SLC25A21: variants seen among roughly 807,000 people sequenced by gnomAD.
SLC25A21 encodes mitochondrial 2-oxodicarboxylate carrier.
Under a neutral mutation model 43.8 loss-of-function variants are expected in SLC25A21, and 47 were observed. The observed-to-expected ratio is 1.07, with a 90% confidence interval of 0.85 to 1.37. The LOEUF (loss-of-function observed/expected upper bound fraction) is 1.37, where lower values mean the gene tolerates loss of function less well. SLC25A21 is among the 40% of genes most tolerant of loss of function. SLC25A21 has a pLI of 0.00. For missense variants in SLC25A21, 352 were observed against 350.2 expected (o/e 1.00, Z -0.04); for synonymous variants, 131 against 121.3 (o/e 1.08, Z -0.52).
At chr14:36,940,175 C>G (rs1892521202) in intron 1 of SLC25A21, among the ~76,000 whole-genome samples, 1 of 152,108 alleles carries the variant, frequency 6.6e-6, no homozygotes, top group Non-Finnish European at 1.5e-5. Context: ...CAGCCCCTTT[C>G]AATTAATCTG....
At chr14:36,908,479 A>C (rs1355984436) in intron 1 of SLC25A21, among the ~76,000 whole-genome samples, 1 of 152,206 alleles carries the variant, frequency 6.6e-6, no homozygotes, top group Non-Finnish European at 1.5e-5. Context: ...GAGATGGCCA[A>C]GTCCCAAGAA....
chr14:36,938,831 A>T (rs75947819), intron 1 of SLC25A21, among the ~76,000 whole-genome samples: 9,294 of 152,156 alleles, frequency 0.061, 402 homozygotes, highest in Middle Eastern at 0.15. Flanking sequence ...AACATAAATT[A>T]GTAAAAAAAC....
chr14:37,013,009 C>T (rs1382100316), intron 1 of SLC25A21, among the ~76,000 whole-genome samples: 1 of 152,164 alleles, frequency 6.6e-6, no homozygotes, highest in African/African-American at 2.4e-5. Flanking sequence ...GTGGATTGCG[C>T]AGCTCAGAGT....
At chr14:36,741,220 C>A (rs556004134) in intron 3 of SLC25A21, among the ~76,000 whole-genome samples, 24 of 152,196 alleles carry the variant, frequency 1.6e-4, no homozygotes, top group Admixed American at 1.2e-3. Flanking sequence ...CTCTTTCAAG[C>A]AGGCTGGGAA....
rs925665677 is a variant in SLC25A21, at chr14:36,750,588, C to T, written c.204-16015G>A. Among the ~76,000 whole-genome samples the T allele has an allele frequency of 7.2e-5, 11 of 152,212 alleles. No individual in the cohort carries two copies. In the South Asian group the frequency reaches 2.1e-3, roughly 29 times the overall value. ...GATGGAGCTTTTGAGATGTTTATTTCCCTCCTGAAAACATGAATTCTTGGG... is the reference window on the plus strand; with the variant it reads ...GATGGAGCTTTTGAGATGTTTATTTTCCTCCTGAAAACATGAATTCTTGGG... On this transcript the variant is annotated intron_variant, in intron 3 of 9. Transcript: ENST00000331299.
intron 1 of SLC25A21, among the ~76,000 whole-genome samples, chr14:36,974,865 C>T (rs1198246193): frequency 6.6e-6 from 1 of 152,056 alleles, no homozygotes; most frequent in Non-Finnish European, 1.5e-5. Context: ...ATACTTGGAC[C>T]TCAGATGAGA....
intron 1 of SLC25A21, among the ~76,000 whole-genome samples, chr14:37,040,141 A>C (rs1222240657): frequency 6.7e-6 from 1 of 149,734 alleles, no homozygotes; most frequent in East Asian, 2.0e-4. Context: ...TGGAAGTTGC[A>C]GTGAACCAAG....
At position 37,044,011 on chromosome 14, in the gene SLC25A21, T is replaced by C. The variant is rs567231709; in HGVS notation, c.70+128270A>G. Among the ~76,000 whole-genome samples, 20 of 149,166 alleles carry C rather than the reference T, an allele frequency of 1.3e-4. 1 individual carries two copies. In the South Asian group the frequency reaches 4.0e-3, roughly 30 times the overall value. On this transcript the variant is annotated intron_variant, in intron 1 of 9. Transcript: ENST00000331299. ...ATTGACCAGGCTGATCTCGAACTCC[T>C]AGCCTCAAATGATCCTCCCGCCTCG...
chr14:37,006,129 A>T (rs1034660218), intron 1 of SLC25A21, among the ~76,000 whole-genome samples: 1 of 152,180 alleles, frequency 6.6e-6, no homozygotes, highest in Non-Finnish European at 1.5e-5. Context: ...TGATAAATGT[A>T]TCACATTCTT....
At chr14:36,690,147 T>C (rs563633454) in intron 7 of SLC25A21, among the ~76,000 whole-genome samples, 1 of 152,322 alleles carries the variant, frequency 6.6e-6, no homozygotes, top group Non-Finnish European at 1.5e-5. Flanking sequence ...TAGCAGCAAG[T>C]ACAGCATTTC....
intron 1 of SLC25A21, among the ~76,000 whole-genome samples, chr14:36,956,024 T>C (rs1381801177): frequency 6.6e-6 from 1 of 152,216 alleles, no homozygotes; most frequent in African/African-American, 2.4e-5. Flanking sequence ...CTGTAAAATC[T>C]GATGTGCATT....
intron 1 of SLC25A21, among the ~76,000 whole-genome samples, chr14:36,890,129 T>G (rs1201697624): frequency 6.6e-6 from 1 of 151,944 alleles, no homozygotes; most frequent in African/African-American, 2.4e-5. Context: ...GGAAGGGGAT[T>G]TGGAGAGAGC....
At chr14:36,816,607 A>T (rs1330488774) in intron 2 of SLC25A21, among the ~76,000 whole-genome samples, 1 of 150,116 alleles carries the variant, frequency 6.7e-6, no homozygotes, top group Non-Finnish European at 1.5e-5. Context: ...ACCTCAAGGG[A>T]TCTTCCCACC....
At chr14:36,706,373 G>A (rs1239439273) in intron 7 of SLC25A21, among the ~76,000 whole-genome samples, 2 of 152,140 alleles carry the variant, frequency 1.3e-5, no homozygotes, top group African/African-American at 4.8e-5. Flanking sequence ...CTGAAGCTCT[G>A]AGCAGTGAAG....
At chr14:36,781,946 G>A (rs1468239999) in intron 3 of SLC25A21, among the ~76,000 whole-genome samples, 1 of 152,050 alleles carries the variant, frequency 6.6e-6, no homozygotes, top group Non-Finnish European at 1.5e-5. Context: ...GAAATCCTTT[G>A]GCTTTCACCT....
chr14:36,726,777 C>G (rs1433208499), intron 5 of SLC25A21, among the ~76,000 whole-genome samples: 1 of 152,162 alleles, frequency 6.6e-6, no homozygotes, highest in African/African-American at 2.4e-5. Context: ...TTATTTAGTG[C>G]TGAACCTCCA....
chr14:36,704,817 T>C (rs886893061), intron 7 of SLC25A21, among the ~76,000 whole-genome samples: 4 of 152,160 alleles, frequency 2.6e-5, no homozygotes, highest in Non-Finnish European at 5.9e-5. Context: ...CAGTAACTCA[T>C]CTCTGGGCCG....
intron 1 of SLC25A21, among the ~76,000 whole-genome samples, chr14:36,877,285 C>G (rs1188657659): frequency 6.6e-6 from 1 of 152,176 alleles, no homozygotes; most frequent in African/African-American, 2.4e-5. Context: ...CTTATTAAAG[C>G]TTACAGCAAG....
chr14:36,679,472 T>C lies in SLC25A21; in HGVS notation c.*1186A>G. 1 of 985,442 alleles carries C rather than the reference T, an allele frequency of 1.0e-6. No individual in the cohort carries two copies. Among genetic ancestry groups the C allele is most frequent in the Non-Finnish European group, 1.2e-6 (1 of 829,912 alleles). The allele number at this position is 985,442 out of a possible 1,614,324, so 61.0% of individuals were successfully genotyped here. On this transcript the variant is annotated 3_prime_UTR_variant, in exon 10 of 10. Transcript: ENST00000331299. ...CAGGTGTCATATGGACTTTCAGTTA[T>C]TCTTGTTGACTTTACTGAATCAGCA... is the stretch of plus-strand genomic sequence containing the variant.
Sources: allele counts gnomAD v4.1 joint callset (sites outside exome capture counted in the v4.1 genomes callset), GRCh38; gene constraint gnomAD v4.1.1; transcripts MANE v1.5; gene names NCBI Gene and HGNC (gene_info 2026-07-23, HGNC 2026-07-21).